SPAG16: variants seen among roughly 807,000 people sequenced by gnomAD.
The protein encoded by SPAG16 is sperm associated antigen 16, also known as sperm-associated antigen 16 protein.
Under a neutral mutation model 80.4 loss-of-function variants are expected in SPAG16, and 86 were observed. That is an observed-to-expected ratio of 1.07 (90% confidence interval 0.90 to 1.28). The LOEUF (loss-of-function observed/expected upper bound fraction) is 1.28, where lower values mean the gene tolerates loss of function less well. Among genes scored for constraint, SPAG16 ranks in the 50% most tolerant of loss-of-function variants. The pLI is 0.00. For missense variants in SPAG16, 870 were observed against 765.3 expected (o/e 1.14, Z -1.61); for synonymous variants, 294 against 265.9 (o/e 1.11, Z -1.03).
intron 15 of SPAG16, among the ~76,000 whole-genome samples, chr2:214,363,526 A>C (rs898110232): frequency 1.3e-5 from 2 of 151,994 alleles, no homozygotes; most frequent in Non-Finnish European, 2.9e-5. Flanking sequence ...ACATGCAATT[A>C]AAATGCAATA....
At chr2:214,265,353 A>T (rs1176892540) in intron 15 of SPAG16, among the ~76,000 whole-genome samples, 1 of 152,006 alleles carries the variant, frequency 6.6e-6, no homozygotes, top group Non-Finnish European at 1.5e-5. Context: ...TCCTGATGAC[A>T]TATGATGTTG....
chr2:214,062,098 TAATAGACATCTTA>T (rs1198587798), intron 13 of SPAG16, among the ~76,000 whole-genome samples: 2 of 151,978 alleles, frequency 1.3e-5, no homozygotes, highest in African/African-American at 4.8e-5. Flanking sequence ...TTGTGATCTT[TAATAGACATCTTA>T]AAGTTACATC....
chr2:214,193,426 TGAGA>T (rs55774604), intron 15 of SPAG16, among the ~76,000 whole-genome samples: 29,764 of 135,386 alleles, frequency 0.22, 3,361 homozygotes, highest in Non-Finnish European at 0.29. Flanking sequence ...TGTGTGTGTA[TGAGA>T]GAGAGAGAGA....
intron 10 of SPAG16, among the ~76,000 whole-genome samples, chr2:213,525,107 G>T (rs527757350): frequency 6.6e-6 from 1 of 152,064 alleles, no homozygotes; most frequent in South Asian, 2.1e-4. Context: ...TAGTGAGTGT[G>T]TTCTTACAAC....
At chr2:213,907,411 T>G (rs1010707030) in intron 11 of SPAG16, among the ~76,000 whole-genome samples, 5 of 151,730 alleles carry the variant, frequency 3.3e-5, no homozygotes, top group Middle Eastern at 3.2e-3. Context: ...AAAAGGAAAT[T>G]TATACATGAT....
chr2:213,767,665 A>ACACG (rs1213558287), intron 10 of SPAG16, among the ~76,000 whole-genome samples: 2 of 151,548 alleles, frequency 1.3e-5, no homozygotes, highest in African/African-American at 4.8e-5. Context: ...TCACACACAC[A>ACACG]CACACACACA....
At chr2:213,294,732 G>A (rs1028780466) in intron 1 of SPAG16, among the ~76,000 whole-genome samples, 1 of 152,118 alleles carries the variant, frequency 6.6e-6, no homozygotes, top group Non-Finnish European at 1.5e-5. Flanking sequence ...GAGCTTAGTA[G>A]CAGTAATAAA....
At chr2:214,109,206 A>C (rs1476382411) in intron 14 of SPAG16, among the ~76,000 whole-genome samples, 1 of 152,198 alleles carries the variant, frequency 6.6e-6, no homozygotes, top group African/African-American at 2.4e-5. Flanking sequence ...CTTTAAAGTT[A>C]TCCAGTTTGT....
chr2:214,072,957 ATATAT>A (rs1418801570), intron 13 of SPAG16, among the ~76,000 whole-genome samples: 1 of 152,158 alleles, frequency 6.6e-6, no homozygotes, highest in Non-Finnish European at 1.5e-5. Flanking sequence ...ACACATACAA[ATATAT>A]TAGGCCATTT....
intron 13 of SPAG16, among the ~76,000 whole-genome samples, chr2:214,048,653 G>C (rs2049472430): frequency 6.6e-6 from 1 of 152,056 alleles, no homozygotes; most frequent in Non-Finnish European, 1.5e-5. Context: ...TAACACAACA[G>C]GGTGACTATA....
chr2:213,892,405 G>A (rs2076817949), intron 11 of SPAG16, among the ~76,000 whole-genome samples: 1 of 152,130 alleles, frequency 6.6e-6, no homozygotes, highest in African/African-American at 2.4e-5. Flanking sequence ...ACACACATAT[G>A]TGTCTACAAG....
chr2:213,415,409 TATC>T, intron 9 of SPAG16, among the ~76,000 whole-genome samples: 2 of 152,320 alleles, frequency 1.3e-5, no homozygotes, highest in South Asian at 4.1e-4. Flanking sequence ...TGCCTGGAAA[TATC>T]ATTTTTTCAG....
At chr2:214,045,685 A>G (rs1422586214) in intron 13 of SPAG16, among the ~76,000 whole-genome samples, 4 of 152,206 alleles carry the variant, frequency 2.6e-5, no homozygotes, top group Non-Finnish European at 5.9e-5. Flanking sequence ...ACATCATACT[A>G]AAATGTGTGG....
At chr2:213,425,987 A>G (rs989825985) in intron 9 of SPAG16, among the ~76,000 whole-genome samples, 3 of 152,172 alleles carry the variant, frequency 2.0e-5, no homozygotes, top group Non-Finnish European at 2.9e-5. Flanking sequence ...TCTTACCAAT[A>G]TGTGTTATCA....
In SPAG16 at chr2:213,284,619, C is replaced by T. The variant is rs899100080; in HGVS notation, c.136C>T (p.Gln46Ter). The T allele has an allele frequency of 4.4e-6, 7 of 1,607,044 alleles. No individual in the cohort carries two copies. The highest frequency in any genetic ancestry group is 5.1e-6 in the Non-Finnish European group (6 of 1,177,240). The change falls in exon 1 of 16, where the codon CAG becomes TAG. Residue 46 changes from glutamine (Q) to a stop codon, truncating the protein, a stop_gained and splice_region_variant. Transcript: ENST00000331683. LOFTEE classifies it high-confidence loss of function. ...GGCTGAGGGCGCCTACTACCTGGAA[C>T]GTATCCTTCCCGTGGAGGCGCGGCC... ...VAAEGAYYLE[Q>*]VTITEASEDD...
At chr2:213,325,620 ATG>A (rs10534467) in intron 5 of SPAG16, among the ~76,000 whole-genome samples, 131,752 of 149,044 alleles carry the variant, frequency 0.88, 60,216 homozygotes, top group Non-Finnish European at 0.99. Context: ...TTGGAAAAAT[ATG>A]TGTGTGTGTG....
chr2:213,440,109 TTG>T (rs61263090), intron 9 of SPAG16, among the ~76,000 whole-genome samples: 1 of 151,604 alleles, frequency 6.6e-6, no homozygotes, highest in Non-Finnish European at 1.5e-5. Context: ...TCCTGCAGTT[TTG>T]TGTGTGTGTG....
intron 10 of SPAG16, among the ~76,000 whole-genome samples, chr2:213,562,416 T>C (rs1046652549): frequency 1.3e-5 from 2 of 152,216 alleles, no homozygotes; most frequent in African/African-American, 4.8e-5. Flanking sequence ...CCTCTTTTTC[T>C]GGAAAATACA....
At chr2:213,868,719 C>T (rs2075808879) in intron 11 of SPAG16, among the ~76,000 whole-genome samples, 1 of 152,160 alleles carries the variant, frequency 6.6e-6, no homozygotes, top group Non-Finnish European at 1.5e-5. Context: ...TAAACAATTT[C>T]ACAGTGCCAC....
Sources: gnomAD v4.1 joint callset for allele counts (sites outside exome capture counted in the v4.1 genomes callset) on GRCh38, gnomAD v4.1.1 for gene constraint, MANE v1.5 for transcripts, NCBI Gene and HGNC (gene_info 2026-07-23, HGNC 2026-07-21) for gene names.